Variants in ACSL3 observed in about 807,000 individuals in gnomAD.
ACSL3 encodes fatty acid CoA ligase Acsl3.
ACSL3 carries 34 observed loss-of-function variants against 84.7 expected under a neutral mutation model. The observed-to-expected ratio is 0.40, with a 90% CI of 0.31 to 0.53. ACSL3 has a LOEUF of 0.53. Among genes scored for constraint, ACSL3 ranks in the 20% least tolerant of loss-of-function variants. The probability of loss-of-function intolerance (pLI) is 0.48; values close to 1 mark genes in which losing one functional copy is unlikely to be tolerated. For synonymous variants in ACSL3, 315 were observed against 299.4 expected, an observed-to-expected ratio of 1.05 and a Z score of -0.54; for missense variants, 680 against 873.1, an observed-to-expected ratio of 0.78 and a Z score of 2.79.
chr2:222,881,796 G>A (rs989339844), intron 1 of ACSL3, among the ~76,000 whole-genome samples: 2 of 152,136 alleles, frequency 1.3e-5, no homozygotes, highest in African/African-American at 4.8e-5. Flanking sequence ...GAGCCATTGC[G>A]CCCGGCCTCA....
At chr2:222,925,090 G>T (rs1203511512) in intron 11 of ACSL3, among the ~76,000 whole-genome samples, 1 of 151,148 alleles carries the variant, frequency 6.6e-6, no homozygotes, top group Non-Finnish European at 1.5e-5. Context: ...TAATCCCAGT[G>T]CTTTGGGAGG....
At chr2:222,882,174 A>G (rs1049813747) in intron 1 of ACSL3, among the ~76,000 whole-genome samples, 4 of 152,234 alleles carry the variant, frequency 2.6e-5, no homozygotes, top group African/African-American at 9.6e-5. Flanking sequence ...AGGACTTTTT[A>G]AAGTAATTTC....
chr2:222,938,361 C>T (rs919846153), intron 16 of ACSL3, among the ~76,000 whole-genome samples: 1 of 152,112 alleles, frequency 6.6e-6, no homozygotes, highest in Non-Finnish European at 1.5e-5. Context: ...TGGTGATAAA[C>T]CCCCTCTACT....
chr2:222,919,634 T>A (rs2106127444), intron 7 of ACSL3, among the ~76,000 whole-genome samples: 1 of 152,288 alleles, frequency 6.6e-6, no homozygotes, highest in East Asian at 1.9e-4. Context: ...ACCCTCCAAC[T>A]AGCACACCTA....
chr2:222,926,934 T>G (rs1237881877), intron 11 of ACSL3, 83 bp from the exon 12 acceptor site: 1 of 1,450,698 alleles, frequency 6.9e-7, no homozygotes, highest in East Asian at 2.3e-5. Context: ...ATCTCTCATA[T>G]CAAAACTGGG....
At chr2:222,874,098 T>C (rs910932686) in intron 1 of ACSL3, among the ~76,000 whole-genome samples, 1 of 152,190 alleles carries the variant, frequency 6.6e-6, no homozygotes, top group African/African-American at 2.4e-5. Context: ...CTTGGCTCAC[T>C]GCAACCTCCA....
chr2:222,879,512 G>C (rs1357902691), intron 1 of ACSL3, among the ~76,000 whole-genome samples: 2 of 152,150 alleles, frequency 1.3e-5, no homozygotes, highest in Non-Finnish European at 2.9e-5. Flanking sequence ...AGGAATAAGA[G>C]CCTGGAGGGA....
intron 7 of ACSL3, among the ~76,000 whole-genome samples, chr2:222,920,456 A>G (rs1696701973): frequency 6.6e-6 from 1 of 152,142 alleles, no homozygotes; most frequent in African/African-American, 2.4e-5. Flanking sequence ...CTGATTTCAA[A>G]TGGTTCACAT....
intron 4 of ACSL3, 35 bp downstream of exon 4, chr2:222,909,185 G>A (rs779638951): frequency 7.7e-6 from 12 of 1,566,150 alleles, no homozygotes; most frequent in South Asian, 4.8e-5. Flanking sequence ...GAATTCTTTC[G>A]AATAAAATAT....
intron 3 of ACSL3, among the ~76,000 whole-genome samples, chr2:222,901,290 G>C (rs1372527077): frequency 6.6e-6 from 1 of 152,146 alleles, no homozygotes; most frequent in East Asian, 1.9e-4. Context: ...AGTTATTTCA[G>C]TACCATTTGT....
intron 1 of ACSL3, among the ~76,000 whole-genome samples, chr2:222,873,648 G>A (rs1427669999): frequency 6.6e-6 from 1 of 152,124 alleles, no homozygotes; most frequent in African/African-American, 2.4e-5. Context: ...GAAATATATT[G>A]TGTGTAAATA....
At chr2:222,884,058 G>T (rs1274646901) in intron 1 of ACSL3, among the ~76,000 whole-genome samples, 1 of 151,954 alleles carries the variant, frequency 6.6e-6, no homozygotes, top group Non-Finnish European at 1.5e-5. Flanking sequence ...GGCACTTTTT[G>T]TCTGCTGTTT....
At chr2:222,891,307 T>TC (rs1296449525) in intron 2 of ACSL3, among the ~76,000 whole-genome samples, 1 of 152,190 alleles carries the variant, frequency 6.6e-6, no homozygotes, top group South Asian at 2.1e-4. Context: ...TTAAAATCGA[T>TC]CTAGTTGAAC....
intron 1 of ACSL3, among the ~76,000 whole-genome samples, chr2:222,883,486 C>T (rs1416784484): frequency 6.6e-6 from 1 of 152,014 alleles, no homozygotes; most frequent in Non-Finnish European, 1.5e-5. Flanking sequence ...CCCAGCCAGC[C>T]TTTTGTTTTT....
chr2:222,943,915 A>G lies in ACSL3; in HGVS notation c.*2261A>G, dbSNP rs1162826544. Reference sequence around the variant, plus strand: ...CTAAATCTAATACAAATATCTGACAATAAGATACAGATCTAAAAGAATGGT... The same window carrying G: ...CTAAATCTAATACAAATATCTGACAGTAAGATACAGATCTAAAAGAATGGT... On this transcript the variant is annotated 3_prime_UTR_variant, in exon 17 of 17. Transcript: ENST00000357430. 4 of 152,152 alleles carry G rather than the reference A, an allele frequency of 2.6e-5. No homozygotes were observed. Among genetic ancestry groups the G allele is most frequent in the Admixed American group, 2.6e-4 (4 of 15,286 alleles). 9.4% of individuals were successfully genotyped at this position (152,152 alleles called of 1,614,324 possible).
chr2:222,943,684 G>A lies in ACSL3; in HGVS notation c.*2030G>A, dbSNP rs549878216. ...CAGGTGTCAAATGCCACAGTAGAAA[G>A]TGAAATTAAGTAGAGTCCCCTTTTA... is the stretch of plus-strand genomic sequence containing the variant. On this transcript the variant is annotated 3_prime_UTR_variant, in exon 17 of 17. Coordinates refer to ENST00000357430, the MANE Select transcript of ACSL3 (RefSeq NM_004457.5). 5.3e-5 allele frequency: 8 copies of A among 152,162 alleles called. No individual in the cohort carries two copies. Among genetic ancestry groups the A allele is most frequent in the African/African-American group, 1.2e-4 (5 of 41,548 alleles). 9.4% of individuals were successfully genotyped at this position (152,162 alleles called of 1,614,324 possible).
intron 4 of ACSL3, among the ~76,000 whole-genome samples, chr2:222,914,224 TGTGTGTGTAC>T (rs1422087093): frequency 7.0e-6 from 1 of 142,636 alleles, no homozygotes; most frequent in Non-Finnish European, 1.5e-5. Context: ...GGGTGGAAGG[TGTGTGTGTAC>T]GTGTGTGTGT....
chr2:222,890,214 G>A (rs1443399544), intron 2 of ACSL3, among the ~76,000 whole-genome samples: 2 of 151,748 alleles, frequency 1.3e-5, no homozygotes, highest in Non-Finnish European at 2.9e-5. Context: ...TTTTTAGCTG[G>A]TCCATGCAGA....
At chr2:222,901,883 G>T (rs946665452) in intron 3 of ACSL3, among the ~76,000 whole-genome samples, 21 of 144,754 alleles carry the variant, frequency 1.5e-4, no homozygotes, top group African/African-American at 5.4e-4. Flanking sequence ...GGCGAAGGTT[G>T]TAGTGAGCCG....
Sources: allele counts gnomAD v4.1 joint callset (sites outside exome capture counted in the v4.1 genomes callset), GRCh38; gene constraint gnomAD v4.1.1; transcripts MANE v1.5; gene names NCBI Gene and HGNC (gene_info 2026-07-23, HGNC 2026-07-21).